Variants in CRYM observed in about 807,000 individuals in gnomAD.
CRYM encodes the protein ketimine reductase mu-crystallin.
A neutral mutation model predicts 32.9 loss-of-function variants in CRYM; 18 were observed. The observed-to-expected ratio is 0.55, with a 90% CI of 0.38 to 0.81. CRYM has a LOEUF of 0.81. Among genes scored for constraint, CRYM ranks in the 30% least tolerant of loss-of-function variants. The pLI is 0.00. For synonymous variants in CRYM, 153 were observed against 152.4 expected (o/e 1.00, Z -0.03); for missense variants, 337 against 393.5 (o/e 0.86, Z 1.21).
chr16:21,300,128 G>A (rs1409961165), intron 1 of CRYM, among the ~76,000 whole-genome samples: 1 of 152,152 alleles, frequency 6.6e-6, no homozygotes, highest in African/African-American at 2.4e-5. Context: ...CACCCCTAGA[G>A]TTTAATTGCC....
At chr16:21,259,366 C>T (rs62044959) in intron 7 of CRYM, among the ~76,000 whole-genome samples, 102 of 152,178 alleles carry the variant, frequency 6.7e-4, no homozygotes, top group Non-Finnish European at 1.3e-3. Flanking sequence ...CCTCGGCCTC[C>T]CAAAGTGCTG....
At chr16:21,261,903 A>C in intron 6 of CRYM, 134 bp downstream of exon 6, 1 of 1,034,368 alleles carries the variant, frequency 9.7e-7, no homozygotes, top group Admixed American at 2.0e-5. Context: ...AATGTTTAGG[A>C]GCTCCTTCCC....
upstream of CRYM, chr16:21,278,362 C>A: frequency 1.4e-6 from 2 of 1,403,904 alleles, no homozygotes; most frequent in South Asian, 2.5e-5. Flanking sequence ...CTGGTCACAG[C>A]CCAGCCTCCG....
intron 7 of CRYM, chr16:21,260,975 C>G: frequency 1.9e-6 from 1 of 519,272 alleles, no homozygotes. Flanking sequence ...ACCTAATCCT[C>G]AATGGTAACA....
intron 7 of CRYM, among the ~76,000 whole-genome samples, chr16:21,260,797 G>C (rs570071605): frequency 1.3e-5 from 2 of 152,188 alleles, no homozygotes; most frequent in Non-Finnish European, 2.9e-5. Flanking sequence ...GAATGAACAG[G>C]GCTTAGGCTA....
chr16:21,286,114 C>A (rs1040951822), intron 1 of CRYM, among the ~76,000 whole-genome samples: 16 of 152,030 alleles, frequency 1.1e-4, no homozygotes, highest in Non-Finnish European at 1.8e-4. Context: ...TAAGAAGAAG[C>A]CAATTTTGGA....
rs912909149 is a variant in CRYM, at chr16:21,261,465, G to A, written c.796-127C>T. 903 of 597,808 alleles carry A rather than the reference G, an allele frequency of 1.5e-3. 10 individuals are homozygous for A. In the African/African-American group the frequency reaches 0.022, roughly 14 times the overall value. The allele number at this position is 597,808 out of a possible 1,614,324, so 37.0% of individuals were successfully genotyped here. A position where few individuals can be genotyped will look rare whatever the true frequency, so the allele number is the denominator to read the frequency against. On this transcript the variant is annotated intron_variant, in intron 6 of 7. Coordinates refer to ENST00000572914, the MANE Select transcript of CRYM (RefSeq NM_001376256.1). Reference sequence around the variant, plus strand: ...ATTTGATTAAAAAAAAAAAAAAAAAGAGAGAGATCCTTTGTACACTGAATG... The same window carrying A: ...ATTTGATTAAAAAAAAAAAAAAAAAAAGAGAGATCCTTTGTACACTGAATG...
intron 3 of CRYM, among the ~76,000 whole-genome samples, chr16:21,271,743 T>C (rs1249414885): frequency 1.3e-5 from 2 of 152,242 alleles, no homozygotes; most frequent in Non-Finnish European, 2.9e-5. Flanking sequence ...GCTTCAGAAA[T>C]TGTTACAGTA....
At chr16:21,278,008 C>A (rs995516412) in intron 1 of CRYM, 74 bp downstream of exon 1, 1 of 1,465,918 alleles carries the variant, frequency 6.8e-7, no homozygotes, top group African/African-American at 1.4e-5. Flanking sequence ...CCTTCTCCCA[C>A]CCCTCCTCTT....
chr16:21,294,687 CCTTTTTTTTTTTTTTT>C lies in CRYM; in HGVS notation c.-193+8275_-193+8290del, dbSNP rs940773789. On this transcript the variant is annotated intron_variant, in intron 1 of 9. Transcript: ENST00000219599. Reference sequence around the variant, plus strand: ...TCCCTGCAAAGGACATGATCTCATTCCTTTTTTTTTTTTTTTCTTTTTTTTTTGAGACAGTCTTGCT... The same window carrying C: ...TCCCTGCAAAGGACATGATCTCATTCCTTTTTTTTTTGAGACAGTCTTGCT... 6.2e-4 allele frequency among the ~76,000 whole-genome samples: 92 copies of C among 149,368 alleles called. 2 individuals carry two copies. Among genetic ancestry groups the C allele is most frequent in the African/African-American group, 2.2e-3 (89 of 40,824 alleles).
upstream of CRYM, among the ~76,000 whole-genome samples, chr16:21,281,238 A>G (rs226031): frequency 0.25 from 37,069 of 151,030 alleles, 4,810 homozygotes; most frequent in African/African-American, 0.3. Flanking sequence ...AGATATGTAT[A>G]TATGTGCATA....
Position 21,277,325 on chromosome 16 carries a change from G to T in CRYM, c.324+106C>A. The T allele has an allele frequency of 1.0e-5, 12 of 1,173,942 alleles. No homozygotes were observed. The highest frequency in any genetic ancestry group is 1.5e-5 in the Non-Finnish European group (12 of 813,634). The allele number at this position is 1,173,942 out of a possible 1,614,324, so 72.7% of individuals were successfully genotyped here. A position where few individuals can be genotyped will look rare whatever the true frequency, so the allele number is the denominator to read the frequency against. On this transcript the variant is annotated intron_variant, in intron 2 of 7. Coordinates refer to ENST00000572914, the MANE Select transcript of CRYM (RefSeq NM_001376256.1). This position sits in a 1 kb window ranked among gnomAD's most constrained non-coding sequence, Gnocchi z 4.2. The stretch of plus-strand genomic sequence containing the variant: ...CTGGTATCCAGTCACTTGCAGAGGG[G>T]CACGCGTAGTCACAATCAAGACTCC...
intron 6 of CRYM, chr16:21,261,670 T>C (rs1030206770): frequency 4.2e-6 from 2 of 472,470 alleles, no homozygotes; most frequent in African/African-American, 3.9e-5. Context: ...TCTTGTTTTA[T>C]GCTGATTATA....
At chr16:21,280,240 T>C (rs759804843), upstream of CRYM, among the ~76,000 whole-genome samples, 1 of 151,890 alleles carries the variant, frequency 6.6e-6, no homozygotes, top group Non-Finnish European at 1.5e-5. Flanking sequence ...ATTAGCTGGG[T>C]GTGGTGGCGG....
intron 1 of CRYM, among the ~76,000 whole-genome samples, chr16:21,287,922 T>C (rs2093410123): frequency 6.6e-6 from 1 of 152,220 alleles, no homozygotes; most frequent in South Asian, 2.1e-4. Flanking sequence ...TTTGTAGTTA[T>C]CCAGGCAGAA....
intron 1 of CRYM, among the ~76,000 whole-genome samples, chr16:21,286,351 G>A (rs1363472273): frequency 6.6e-6 from 1 of 151,260 alleles, no homozygotes; most frequent in African/African-American, 2.4e-5. Context: ...CCAAGTAGCT[G>A]GGATTACAGG....
At chr16:21,298,460 AATG>A (rs1350874062) in intron 1 of CRYM, among the ~76,000 whole-genome samples, 1 of 152,262 alleles carries the variant, frequency 6.6e-6, no homozygotes, top group Non-Finnish European at 1.5e-5. Flanking sequence ...CAGAAAGGAA[AATG>A]ATGAATTATA....
chr16:21,258,790 A>G lies in CRYM; in HGVS notation c.936T>C (p.Ser312=). 1 of 1,613,860 alleles carries G rather than the reference A, an allele frequency of 6.2e-7. No individual in the cohort carries two copies. Among genetic ancestry groups the G allele is most frequent in the Non-Finnish European group, 8.5e-7 (1 of 1,179,742 alleles). The change falls in exon 8 of 8, where the codon TCT becomes TCC. Residue 312 remains serine, a synonymous_variant. Coordinates refer to ENST00000572914, the MANE Select transcript of CRYM (RefSeq NM_001376256.1). The part of the protein sequence containing the change: ...AAKLIYDSWS[S]GK ...ATCAAGTTCCTTTGTTTTATTTACC[A>G]GATGACCAGGAATCATAGATGAGTT...
Position 21,267,699 on chromosome 16 carries a change from C to T in CRYM, c.528G>A (p.Lys176=). 2 of 1,614,242 alleles carry T rather than the reference C, an allele frequency of 1.2e-6. No individual in the cohort carries two copies. The highest frequency in any genetic ancestry group is 1.7e-6 in the Non-Finnish European group (2 of 1,180,044). The part of the protein sequence containing the change: ...IWNRTKENAE[K]FADTVQGEVR... ...CCTCTCCTTGCACTGTGTCTGCAAACTTCTCTGCATTTTCTTTGGTGCGGT... is the reference window on the plus strand; with the variant it reads ...CCTCTCCTTGCACTGTGTCTGCAAATTTCTCTGCATTTTCTTTGGTGCGGT... The change falls in exon 5 of 8, where the codon AAG becomes AAA. Residue 176 remains lysine, a synonymous_variant. Transcript: ENST00000572914.
Sources: allele counts gnomAD v4.1 joint callset (sites outside exome capture counted in the v4.1 genomes callset), GRCh38; gene constraint gnomAD v4.1.1; non-coding constraint Gnocchi (gnomAD v3.1); transcripts MANE v1.5; gene names NCBI Gene and HGNC (gene_info 2026-07-23, HGNC 2026-07-21).